The following MIDEAS variants were observed in gnomAD, a reference collection of about 807,000 sequenced individuals.
The protein encoded by MIDEAS is mitotic deacetylase associated SANT domain protein, also known as mitotic deacetylase-associated SANT domain protein.
A neutral mutation model predicts 102.7 loss-of-function variants in MIDEAS; 26 were observed. The ratio of observed to expected loss-of-function variants is 0.25; its 90% CI spans 0.19 to 0.35. The LOEUF is 0.35. MIDEAS is among the 10% of genes least tolerant of loss of function. The probability of loss-of-function intolerance (pLI) is 1.00; values close to 1 mark genes in which losing one functional copy is unlikely to be tolerated. For synonymous variants in MIDEAS, 585 were observed against 591.0 expected (o/e 0.99, Z 0.15); for missense variants, 1,231 against 1,435.6 (o/e 0.86, Z 2.30).
At chr14:73,777,510 C>T (rs2053702342) in intron 1 of MIDEAS, among the ~76,000 whole-genome samples, 1 of 152,026 alleles carries the variant, frequency 6.6e-6, no homozygotes, top group African/African-American at 2.4e-5. Context: ...GCCCTGCCTG[C>T]CCCTTTCTGC....
intron 3 of MIDEAS, 159 bp from the exon 4 acceptor site, chr14:73,730,144 A>G (rs2053119961): frequency 3.9e-6 from 3 of 767,798 alleles, no homozygotes; most frequent in African/African-American, 1.7e-5. Context: ...AGCCCTTTTT[A>G]TCATCTCCTC....
At chr14:73,773,216 C>T (rs1266279425) in intron 1 of MIDEAS, among the ~76,000 whole-genome samples, 1 of 151,916 alleles carries the variant, frequency 6.6e-6, no homozygotes, top group Non-Finnish European at 1.5e-5. Context: ...TTCCTAGCAA[C>T]ACCTGTCAAT....
chr14:73,779,450 T>C (rs2053725587), intron 1 of MIDEAS, among the ~76,000 whole-genome samples: 1 of 148,338 alleles, frequency 6.7e-6, no homozygotes, highest in Admixed American at 6.7e-5. Context: ...CAGGCTAAGG[T>C]GAATTGACGC....
At position 73,737,074 on chromosome 14, in the gene MIDEAS, G is replaced by C; in HGVS notation, c.1673C>G (p.Pro558Arg). ...DEDGKGPEQNPAEHKPSVIVT... is the reference protein window; with the variant it reads ...DEDGKGPEQNRAEHKPSVIVT... ...GATGACTGATGGCTTGTGCTCAGCA[G>C]GGTTCTGTTCAGGACCCTTCCCGTC... Residue 558 changes from proline to arginine, a missense_variant, in exon 3 of 13, where the codon CCT (proline) becomes CGT (arginine). Physicochemically the swap from Pro to Arg is moderately radical, Grantham distance 103. Around this residue, in one of 5 missense-constraint regions of MIDEAS, gnomAD observed 758 missense variants for 856.0 expected, o/e 0.89. Transcript: ENST00000423556. The C allele has an allele frequency of 6.2e-7, 1 of 1,614,198 alleles. No individual in the cohort carries two copies. Among genetic ancestry groups the C allele is most frequent in the Non-Finnish European group, 8.5e-7 (1 of 1,180,038 alleles).
chr14:73,722,521 C>A (rs1454366761), intron 10 of MIDEAS, 177 bp downstream of exon 10: 4 of 585,720 alleles, frequency 6.8e-6, no homozygotes, highest in South Asian at 2.2e-5. Context: ...TACTATGACA[C>A]CAGCAGTATA....
intron 1 of MIDEAS, among the ~76,000 whole-genome samples, chr14:73,783,122 G>T (rs949121443): frequency 3.3e-5 from 5 of 152,162 alleles, no homozygotes; most frequent in Non-Finnish European, 7.3e-5. Flanking sequence ...TCACCCAAAG[G>T]CTCATTTAAT....
intron 3 of MIDEAS, among the ~76,000 whole-genome samples, chr14:73,732,785 C>CAAAAA (rs57681928): frequency 6.5e-5 from 3 of 46,056 alleles, no homozygotes; most frequent in South Asian, 9.3e-4. Context: ...GACTCCCTCT[C>CAAAAA]AAAAAAAAAA....
At chr14:73,751,197 G>A (rs2053414328) in intron 1 of MIDEAS, among the ~76,000 whole-genome samples, 1 of 152,210 alleles carries the variant, frequency 6.6e-6, no homozygotes, top group African/African-American at 2.4e-5. Flanking sequence ...AGAAATCTGA[G>A]AAGACCTTAG....
chr14:73,757,264 C>A (rs114609788), intron 1 of MIDEAS, among the ~76,000 whole-genome samples: 5,413 of 65,336 alleles, frequency 0.083, 184 homozygotes, highest in African/African-American at 0.23. Flanking sequence ...AGAGAAAGAC[C>A]CTATCTCTAA....
At chr14:73,719,224 C>CCCCGGCCCCG in intron 12 of MIDEAS, 81 bp downstream of exon 12, 2 of 1,395,260 alleles carry the variant, frequency 1.4e-6, no homozygotes, top group Non-Finnish European at 1.9e-6. Flanking sequence ...GTACCTCTTC[C>CCCCGGCCCCG]CCCTCCCCTC....
At chr14:73,790,275 G>A (rs2053856749), upstream of MIDEAS, 1 of 152,206 alleles carries the variant, frequency 6.6e-6, no homozygotes, top group African/African-American at 2.4e-5. Flanking sequence ...GACCAGGGCA[G>A]GAATCTACTT....
chr14:73,743,805 C>G (rs1361834924), intron 1 of MIDEAS, among the ~76,000 whole-genome samples: 1 of 152,086 alleles, frequency 6.6e-6, no homozygotes, highest in East Asian at 1.9e-4. Flanking sequence ...CAAAAGGAAA[C>G]CCACAGTCAC....
intron 1 of MIDEAS, among the ~76,000 whole-genome samples, chr14:73,749,370 C>CAA (rs66510432): frequency 0.19 from 15,275 of 80,514 alleles, 1,631 homozygotes; most frequent in Middle Eastern, 0.28. Context: ...CGTGTCTCTA[C>CAA]AAAAAAAAAA....
At chr14:73,731,772 A>C (rs1004366984) in intron 3 of MIDEAS, among the ~76,000 whole-genome samples, 2 of 152,264 alleles carry the variant, frequency 1.3e-5, no homozygotes, top group Non-Finnish European at 2.9e-5. Flanking sequence ...GCAGAGGCAC[A>C]GGTGAAACAA....
Position 73,757,279 on chromosome 14 carries a change from C to CAAAAAAAAAAAAAAAAAAAAAAAAA in MIDEAS, c.-248+2483_-248+2484insTTTTTTTTTTTTTTTTTTTTTTTTT, listed in dbSNP as rs370387448. Among the ~76,000 whole-genome samples the CAAAAAAAAAAAAAAAAAAAAAAAAA allele has an allele frequency of 3.7e-4, 25 of 67,690 alleles. 1 individual carries two copies. The highest frequency in any genetic ancestry group is 0.013 in the Middle Eastern group (1 of 76). 44.4% of individuals were successfully genotyped at this position (67,690 alleles called of 152,430 possible). On this transcript the variant is annotated intron_variant, in intron 1 of 12. Transcript: ENST00000423556. ...AGAGAAAGACCCTATCTCTAACAAC[C>CAAAAAAAAAAAAAAAAAAAAAAAAA]AAAAAAAAAAAAAAACACTAAACAC...
chr14:73,749,917 C>G (rs972720498), intron 1 of MIDEAS, among the ~76,000 whole-genome samples: 30 of 152,214 alleles, frequency 2.0e-4, no homozygotes, highest in Non-Finnish European at 2.5e-4. Context: ...CTCTCCCAGA[C>G]ACACATTGAA....
intron 3 of MIDEAS, chr14:73,730,326 A>G (rs1367136592): frequency 2.4e-6 from 1 of 416,580 alleles, no homozygotes; most frequent in Non-Finnish European, 4.5e-6. Context: ...CCCCCAGACC[A>G]CAGTTCCCCA....
chr14:73,760,738 C>T (rs1465273212), upstream of MIDEAS, among the ~76,000 whole-genome samples: 2 of 152,054 alleles, frequency 1.3e-5, no homozygotes, highest in Non-Finnish European at 2.9e-5. The surrounding 1 kb of genome is among the most constrained non-coding windows in gnomAD (Gnocchi z 4.8). Context: ...CGTCCTGGTG[C>T]GTGTAAAGGT....
rs147108724 is a variant in MIDEAS at position 73,744,157 on chromosome 14, C to G, written c.-247-3902G>C. 9.2e-5 allele frequency among the ~76,000 whole-genome samples: 14 copies of G among 152,200 alleles called. No homozygotes were observed. The East Asian group carries it at 2.7e-3, about 29-fold the overall frequency. On this transcript the variant is annotated intron_variant, in intron 1 of 12. Transcript: ENST00000423556. ...GGGTGTTCAATGCTGATGGTGACACCAGCTCTCCTGGGATGTCAGCTCAAA... is the reference window on the plus strand; with the variant it reads ...GGGTGTTCAATGCTGATGGTGACACGAGCTCTCCTGGGATGTCAGCTCAAA...
Sources: gnomAD v4.1 joint callset for allele counts (sites outside exome capture counted in the v4.1 genomes callset) on GRCh38, gnomAD v4.1.1 for gene constraint, gnomAD v4.1.1 regional missense constraint, Gnocchi (gnomAD v3.1) non-coding constraint, MANE v1.5 for transcripts, NCBI Gene and HGNC (gene_info 2026-07-23, HGNC 2026-07-21) for gene names.